IL1RAPL2: variants seen among roughly 807,000 people sequenced by gnomAD.
IL1RAPL2 encodes the protein X-linked interleukin-1 receptor accessory protein-like 2.
In IL1RAPL2, 3 loss-of-function variants were observed where a neutral mutation model predicts 44.1. That is an observed-to-expected ratio of 0.07 (90% CI 0.03 to 0.18). The LOEUF (loss-of-function observed/expected upper bound fraction) is 0.18, where lower values mean the gene tolerates loss of function less well. Among genes scored for constraint, IL1RAPL2 ranks in the 10% least tolerant of loss-of-function variants. The probability of loss-of-function intolerance (pLI) is 1.00; values close to 1 mark genes in which losing one functional copy is unlikely to be tolerated. For missense variants in IL1RAPL2, 391 were observed against 496.4 expected, an observed-to-expected ratio of 0.79 and a Z score of 2.02; for synonymous variants, 181 against 178.8, an observed-to-expected ratio of 1.01 and a Z score of -0.10.
At chrX:104,938,684 A>AC (rs1296608185) in intron 2 of IL1RAPL2, among the ~76,000 whole-genome samples, 1 of 109,844 alleles carries the variant, frequency 9.1e-6, no homozygotes, top group African/African-American at 3.3e-5. Flanking sequence ...ACAAAAAAAA[A>AC]AAACCCAGTA....
At chrX:104,855,838 A>T (rs1012246837) in intron 2 of IL1RAPL2, among the ~76,000 whole-genome samples, 2 of 107,371 alleles carry the variant, frequency 1.9e-5, no homozygotes, top group South Asian at 8.4e-4. Flanking sequence ...CTAATTTTTT[A>T]TTTTTATTTT....
chrX:104,689,618 G>A (rs1363039584), intron 2 of IL1RAPL2, among the ~76,000 whole-genome samples: 4 of 111,895 alleles, frequency 3.6e-5, no homozygotes, highest in African/African-American at 1.3e-4. Context: ...TATAGCTTCC[G>A]TTGAGTTTCT....
intron 2 of IL1RAPL2, among the ~76,000 whole-genome samples, chrX:104,821,224 A>G (rs1343357857): frequency 9.0e-6 from 1 of 111,223 alleles, no homozygotes; most frequent in African/African-American, 3.3e-5. Flanking sequence ...ATTTTTGTCT[A>G]TTTGCTTGTA....
chrX:105,412,320 A>G (rs892759002), intron 5 of IL1RAPL2, among the ~76,000 whole-genome samples: 2 of 77,176 alleles, frequency 2.6e-5, no homozygotes, highest in African/African-American at 2.2e-4. Flanking sequence ...ATATATATAT[A>G]TATATATATA....
At chrX:105,053,985 G>T (rs1382780481) in intron 2 of IL1RAPL2, among the ~76,000 whole-genome samples, 1 of 111,350 alleles carries the variant, frequency 9.0e-6, no homozygotes, top group Non-Finnish European at 1.9e-5. Context: ...GGGTAGCAGA[G>T]TGAGACTCTG....
chrX:105,303,744 C>T (rs1431975089), intron 5 of IL1RAPL2, among the ~76,000 whole-genome samples: 1 of 112,207 alleles, frequency 8.9e-6, no homozygotes, highest in Admixed American at 9.4e-5. Flanking sequence ...AGGGTCCTGG[C>T]GTACTTCCCT....
chrX:104,714,029 G>A (rs1036549229), intron 2 of IL1RAPL2, among the ~76,000 whole-genome samples: 1 of 110,774 alleles, frequency 9.0e-6, no homozygotes, highest in Non-Finnish European at 1.9e-5. Context: ...AGACTATGGG[G>A]TTTTTTTAGA....
At chrX:104,931,289 G>A (rs1446635190) in intron 2 of IL1RAPL2, among the ~76,000 whole-genome samples, 1 of 106,805 alleles carries the variant, frequency 9.4e-6, no homozygotes, top group African/African-American at 3.4e-5. Context: ...AAATAAATAT[G>A]TATTACAGTG....
intron 1 of IL1RAPL2, among the ~76,000 whole-genome samples, chrX:104,627,969 G>T (rs1447067386): frequency 9.0e-6 from 1 of 111,332 alleles, no homozygotes; most frequent in Non-Finnish European, 1.9e-5. Context: ...TTACTTATTT[G>T]ACCAATTTTA....
In IL1RAPL2 at chrX:105,176,123, G is replaced by A. The variant is rs1338154633; in HGVS notation, c.83-19352G>A. 4.5e-5 allele frequency among the ~76,000 whole-genome samples: 5 copies of A among 111,260 alleles called. 1 individual carries two copies. Among genetic ancestry groups the A allele is most frequent in the Non-Finnish European group, 9.4e-5 (5 of 53,076 alleles). ...AATATTATAATATTATGATATTAAT[G>A]TAACCACCAATAATAGTATTAAGGA... On this transcript the variant is annotated intron_variant, in intron 2 of 10. Coordinates refer to ENST00000372582, the MANE Select transcript of IL1RAPL2 (RefSeq NM_017416.2).
At chrX:105,176,607 T>C (rs1171106109) in intron 2 of IL1RAPL2, among the ~76,000 whole-genome samples, 1 of 110,552 alleles carries the variant, frequency 9.0e-6, no homozygotes, top group Non-Finnish European at 1.9e-5. Context: ...GCCAGTTGCA[T>C]AAGCACTTCC....
rs769210493 is a variant in IL1RAPL2, at chrX:104,755,259, C to T, written c.82+96264C>T. On this transcript the variant is annotated intron_variant, in intron 2 of 10. Coordinates refer to ENST00000372582, the MANE Select transcript of IL1RAPL2 (RefSeq NM_017416.2). ...TTATGGACTGCTTTCCCAGAGGTTG[C>T]TTTTTTCACTGATCTTGTGGCAACC... Among the ~76,000 whole-genome samples the T allele has an allele frequency of 5.4e-5, 6 of 110,553 alleles. No individual in the cohort carries two copies. The South Asian group carries it at 2.3e-3, about 43-fold the overall frequency.
At chrX:105,027,516 T>C (rs938639266) in intron 2 of IL1RAPL2, among the ~76,000 whole-genome samples, 2 of 111,388 alleles carry the variant, frequency 1.8e-5, no homozygotes, top group Non-Finnish European at 3.8e-5. Context: ...AATAGGCAAA[T>C]GATTTGAATA....
At chrX:105,394,600 A>G (rs1308924291) in intron 5 of IL1RAPL2, among the ~76,000 whole-genome samples, 1 of 109,478 alleles carries the variant, frequency 9.1e-6, no homozygotes, top group East Asian at 2.9e-4. Context: ...CCTTACCAAA[A>G]CTCTCCTTCT....
intron 5 of IL1RAPL2, among the ~76,000 whole-genome samples, chrX:105,338,998 GA>G (rs2035050575): frequency 2.7e-5 from 3 of 111,519 alleles, no homozygotes; most frequent in African/African-American, 9.8e-5. Flanking sequence ...AGCTACTCGG[GA>G]GGCTGAGGCA....
intron 1 of IL1RAPL2, among the ~76,000 whole-genome samples, chrX:104,605,260 G>A (rs762041263): frequency 1.3e-4 from 14 of 111,335 alleles, no homozygotes; most frequent in Non-Finnish European, 2.5e-4. Context: ...AAGATGTTCT[G>A]TGAGACAAAT....
At chrX:105,255,733 G>C (rs1203175048) in intron 4 of IL1RAPL2, among the ~76,000 whole-genome samples, 1 of 111,914 alleles carries the variant, frequency 8.9e-6, no homozygotes, top group East Asian at 2.8e-4. Flanking sequence ...TCTTGTGCCA[G>C]TTTTCAAGGG....
chrX:105,349,367 A>G (rs1211210617), intron 5 of IL1RAPL2, among the ~76,000 whole-genome samples: 1 of 112,252 alleles, frequency 8.9e-6, no homozygotes. Context: ...GCTGCCCTTT[A>G]GTTTTCTTCC....
chrX:105,711,511 T>C (rs896971015), intron 6 of IL1RAPL2, among the ~76,000 whole-genome samples: 3 of 111,596 alleles, frequency 2.7e-5, no homozygotes, highest in Non-Finnish European at 3.8e-5. Context: ...CACTATTACA[T>C]TGGCAACTGA....
Sources: gnomAD v4.1 joint callset for allele counts (sites outside exome capture counted in the v4.1 genomes callset) on GRCh38, gnomAD v4.1.1 for gene constraint, MANE v1.5 for transcripts, NCBI Gene and HGNC (gene_info 2026-07-23, HGNC 2026-07-21) for gene names.